The following SLX9 variants were observed in gnomAD, a reference collection of about 807,000 sequenced individuals.
The protein encoded by SLX9 is SLX9 ribosome biogenesis factor.
Under a neutral mutation model 20.8 loss-of-function variants are expected in SLX9, and 19 were observed. The ratio of observed to expected loss-of-function variants is 0.91; its 90% confidence interval spans 0.64 to 1.34. SLX9 has a LOEUF of 1.34. SLX9 is among the 40% of genes most tolerant of loss of function. SLX9 has a pLI of 0.00. For missense variants in SLX9, 299 were observed against 322.2 expected (o/e 0.93, Z 0.55); for synonymous variants, 113 against 137.1 (o/e 0.82, Z 1.23).
rs144011937 is a variant in SLX9 at position 44,958,030 on chromosome 21, C to T, written c.284-2070C>T. ...TGTGCACCCTTCTGTAGCCTCAGCT[C>T]GGCTGGCCGGCGATTGTATGAAGTC... On this transcript the variant is annotated intron_variant, in intron 2 of 5. Coordinates refer to ENST00000291634, the MANE Select transcript of SLX9 (RefSeq NM_058190.4). Among the ~76,000 whole-genome samples, 8 of 152,364 alleles carry T rather than the reference C, an allele frequency of 5.3e-5. No homozygotes were observed. In the East Asian group the frequency reaches 9.6e-4, roughly 18 times the overall value.
chr21:44,946,159 G>A (rs968861325), intron 2 of SLX9, among the ~76,000 whole-genome samples: 1 of 152,252 alleles, frequency 6.6e-6, no homozygotes, highest in Non-Finnish European at 1.5e-5. Flanking sequence ...TCAGAGTAGA[G>A]CATAGAAGTG....
chr21:44,960,464 G>A (rs371764185), intron 3 of SLX9, among the ~76,000 whole-genome samples: 1 of 152,272 alleles, frequency 6.6e-6, no homozygotes, highest in South Asian at 2.1e-4. Flanking sequence ...CCCTTTGGAG[G>A]ACGGCCTTGG....
In SLX9 at chr21:44,973,243, G is replaced by C. The variant is rs759977911; in HGVS notation, c.547G>C (p.Ala183Pro). The change falls in exon 5 of 6, where the codon GCA (alanine) becomes CCA (proline). Residue 183 changes from alanine (A) to proline (P), a missense_variant. By Grantham distance (27) the Ala-to-Pro change is conservative (BLOSUM62 -1). Coordinates refer to ENST00000291634, the MANE Select transcript of SLX9 (RefSeq NM_058190.4). Reference protein sequence around the residue: ...PRPSELSRMSAAQRQQLLEEE... With the variant: ...PRPSELSRMSPAQRQQLLEEE... ...GCCCTCAGAGCTCAGCCGGATGAGC[G>C]CAGCCCAGAGACAGCAGCTTCTGTG... 1 of 1,612,574 alleles carries C rather than the reference G, an allele frequency of 6.2e-7. No individual in the cohort carries two copies. Among genetic ancestry groups the C allele is most frequent in the Non-Finnish European group, 8.5e-7 (1 of 1,179,742 alleles).
At chr21:44,971,107 T>G (rs1011428261) in intron 4 of SLX9, among the ~76,000 whole-genome samples, 1 of 151,898 alleles carries the variant, frequency 6.6e-6, no homozygotes, top group Non-Finnish European at 1.5e-5. Context: ...TGTGGGCAGT[T>G]GTCGGGAGGG....
chr21:44,964,537 T>G (rs2084999752), intron 3 of SLX9, among the ~76,000 whole-genome samples: 1 of 151,282 alleles, frequency 6.6e-6, no homozygotes, highest in Admixed American at 6.6e-5. Flanking sequence ...ACCTCCCCAG[T>G]GCCCAGGTAG....
intron 5 of SLX9, among the ~76,000 whole-genome samples, chr21:44,975,875 G>A (rs983647137): frequency 5.9e-5 from 9 of 152,242 alleles, no homozygotes; most frequent in Admixed American, 1.3e-4. Context: ...CCGCCCAGGC[G>A]GTCGTCCAGC....
intron 4 of SLX9, among the ~76,000 whole-genome samples, chr21:44,969,550 A>G (rs926710390): frequency 1.3e-5 from 2 of 152,166 alleles, no homozygotes; most frequent in Non-Finnish European, 2.9e-5. Flanking sequence ...CTCAGGCAGC[A>G]GTGCCTCCTG....
Position 44,940,202 on chromosome 21 carries a change from G to A in SLX9, c.129+16G>A, listed in dbSNP as rs1286224152. 1 of 1,232,306 alleles carries A rather than the reference G, an allele frequency of 8.1e-7. No individual in the cohort carries two copies. The highest frequency in any genetic ancestry group is 1.0e-6 in the Non-Finnish European group (1 of 984,306). 76.3% of individuals were successfully genotyped at this position (1,232,306 alleles called of 1,614,324 possible). ...CGCGGGGAAGGTGAGCTGGGGAGGC[G>A]CTGGCCGGGGGCTGCCGCGTGGGTC... On this transcript the variant is annotated intron_variant, in intron 1 of 5. Coordinates refer to ENST00000291634, the MANE Select transcript of SLX9 (RefSeq NM_058190.4).
chr21:44,945,369 C>T (rs1040068966), intron 2 of SLX9, among the ~76,000 whole-genome samples: 2 of 152,186 alleles, frequency 1.3e-5, no homozygotes, highest in Admixed American at 6.5e-5. Flanking sequence ...AAGGCTGTCC[C>T]CAAGGGGATG....
intron 4 of SLX9, among the ~76,000 whole-genome samples, chr21:44,967,913 C>T (rs2085068342): frequency 6.6e-6 from 1 of 152,162 alleles, no homozygotes; most frequent in East Asian, 1.9e-4. Flanking sequence ...AGCCTCACCA[C>T]GGGTCTGGAT....
intron 5 of SLX9, among the ~76,000 whole-genome samples, chr21:44,974,575 T>C (rs1366853550): frequency 6.6e-6 from 1 of 152,238 alleles, no homozygotes; most frequent in African/African-American, 2.4e-5. Flanking sequence ...TTTTTATTTT[T>C]ATTTTTTAGA....
At position 44,951,905 on chromosome 21, in the gene SLX9, A is replaced by G. The variant is rs1001911309; in HGVS notation, c.283+8068A>G. 1.3e-4 allele frequency among the ~76,000 whole-genome samples: 19 copies of G among 148,644 alleles called. 2 individuals are homozygous for G. The highest frequency in any genetic ancestry group is 1.9e-4 in the Non-Finnish European group (13 of 67,990). Reference sequence around the variant, plus strand: ...GGTTTATCCTCATAGAACTTTGAGCACAGAGACTGGCCCAGGCGGGTGTGG... The same window carrying G: ...GGTTTATCCTCATAGAACTTTGAGCGCAGAGACTGGCCCAGGCGGGTGTGG... On this transcript the variant is annotated intron_variant, in intron 2 of 5. Coordinates refer to ENST00000291634, the MANE Select transcript of SLX9 (RefSeq NM_058190.4).
At chr21:44,946,673 A>T (rs1196502614) in intron 2 of SLX9, among the ~76,000 whole-genome samples, 3 of 152,232 alleles carry the variant, frequency 2.0e-5, no homozygotes, top group African/African-American at 7.2e-5. Context: ...TTCTGAGCTC[A>T]TCGCCGCGGG....
intron 1 of SLX9, among the ~76,000 whole-genome samples, chr21:44,941,040 T>A (rs973691339): frequency 6.6e-6 from 1 of 152,252 alleles, no homozygotes; most frequent in African/African-American, 2.4e-5. Context: ...ATTTTCATTT[T>A]TTTTGACTCC....
intron 4 of SLX9, among the ~76,000 whole-genome samples, chr21:44,972,866 C>T (rs985276882): frequency 1.3e-5 from 2 of 152,010 alleles, no homozygotes; most frequent in Non-Finnish European, 2.9e-5. Flanking sequence ...GTGTTCCTGG[C>T]TGACCACTCC....
At chr21:44,955,638 G>T (rs1364675377) in intron 2 of SLX9, among the ~76,000 whole-genome samples, 2 of 152,090 alleles carry the variant, frequency 1.3e-5, no homozygotes, top group East Asian at 3.8e-4. Flanking sequence ...TCCCACTTTG[G>T]CCTCCTGAGC....
chr21:44,943,904 C>T (rs532826045), intron 2 of SLX9, 67 bp downstream of exon 2: 105 of 1,599,486 alleles, frequency 6.6e-5, no homozygotes, highest in African/African-American at 4.9e-4. Flanking sequence ...CTCAGGCACC[C>T]GAGGTCTCAG....
At chr21:44,967,238 G>T (rs2085055031) in intron 4 of SLX9, 57 bp downstream of exon 4, 2 of 1,521,380 alleles carry the variant, frequency 1.3e-6, no homozygotes, top group Admixed American at 2.2e-5. Flanking sequence ...CGGGTCCAGA[G>T]GTGGAGGGAT....
At chr21:44,956,864 C>T (rs909227077) in intron 2 of SLX9, among the ~76,000 whole-genome samples, 9 of 152,222 alleles carry the variant, frequency 5.9e-5, no homozygotes, top group Non-Finnish European at 1.3e-4. Flanking sequence ...TGTGTGGCTT[C>T]CTCCACTGAG....
Sources: gnomAD v4.1 joint callset for allele counts (sites outside exome capture counted in the v4.1 genomes callset) on GRCh38, gnomAD v4.1.1 for gene constraint, MANE v1.5 for transcripts, NCBI Gene and HGNC (gene_info 2026-07-23, HGNC 2026-07-21) for gene names.